Variants in STXBP5L observed in about 807,000 individuals in gnomAD.
STXBP5L encodes syntaxin-binding protein 5-like.
A neutral mutation model predicts 144.5 loss-of-function variants in STXBP5L; 65 were observed. The observed-to-expected ratio is 0.45, with a 90% CI of 0.37 to 0.55. The LOEUF is 0.55. STXBP5L is among the 20% of genes least tolerant of loss of function. The probability of loss-of-function intolerance (pLI) is 0.00; values close to 1 mark genes in which losing one functional copy is unlikely to be tolerated. For missense variants in STXBP5L, 1,298 were observed against 1,405.5 expected, an observed-to-expected ratio of 0.92 and a Z score of 1.22; for synonymous variants, 505 against 469.6, an observed-to-expected ratio of 1.08 and a Z score of -0.97.
chr3:121,421,769 G>A lies in STXBP5L; in HGVS notation c.*2672G>A, dbSNP rs1216898560. ...GACATTATAGCATTTCACTGTAGAA[G>A]TGCTTAAAACCTTGGCCTCAGTGAA... On this transcript the variant is annotated 3_prime_UTR_variant, in exon 27 of 27. Transcript: ENST00000471454. The A allele has an allele frequency of 6.6e-6, 1 of 152,126 alleles. No individual in the cohort carries two copies. The highest frequency in any genetic ancestry group is 6.5e-5 in the Admixed American group (1 of 15,268). The allele number at this position is 152,126 out of a possible 1,614,324, so 9.4% of individuals were successfully genotyped here. A position where few individuals can be genotyped will look rare whatever the true frequency, so the allele number is the denominator to read the frequency against.
intron 5 of STXBP5L, among the ~76,000 whole-genome samples, chr3:121,054,501 A>G (rs945895077): frequency 2.0e-5 from 3 of 149,762 alleles, no homozygotes; most frequent in Non-Finnish European, 4.4e-5. Context: ...AAGAAAGCAA[A>G]CACCGCATGT....
chr3:121,150,737 G>A (rs868210094), intron 7 of STXBP5L, among the ~76,000 whole-genome samples: 23 of 151,914 alleles, frequency 1.5e-4, no homozygotes, highest in African/African-American at 5.3e-4. Context: ...AAACTTTTTA[G>A]GCTAATGAAT....
At chr3:121,278,793 G>A (rs1037564122) in intron 18 of STXBP5L, among the ~76,000 whole-genome samples, 1 of 151,590 alleles carries the variant, frequency 6.6e-6, no homozygotes, top group Non-Finnish European at 1.5e-5. Flanking sequence ...ATAGAGATGA[G>A]AATTAAACCC....
intron 14 of STXBP5L, among the ~76,000 whole-genome samples, chr3:121,246,576 AT>A (rs1239475931): frequency 2.0e-5 from 3 of 152,296 alleles, no homozygotes; most frequent in East Asian, 3.9e-4. Context: ...CATCCTGCAG[AT>A]TTTTCAGCAA....
intron 3 of STXBP5L, among the ~76,000 whole-genome samples, chr3:120,989,539 C>G (rs893407992): frequency 6.6e-6 from 1 of 152,038 alleles, no homozygotes; most frequent in Admixed American, 6.6e-5. Context: ...TGTGACTTAA[C>G]CTGTCGGATG....
intron 7 of STXBP5L, among the ~76,000 whole-genome samples, chr3:121,150,189 AT>A (rs1230903648): frequency 6.6e-6 from 1 of 152,090 alleles, no homozygotes; most frequent in Non-Finnish European, 1.5e-5. Context: ...CCAAATACCT[AT>A]TTTTTTCAGA....
chr3:120,976,943 C>T (rs1433764755), intron 3 of STXBP5L, among the ~76,000 whole-genome samples: 1 of 151,964 alleles, frequency 6.6e-6, no homozygotes, highest in Non-Finnish European at 1.5e-5. Flanking sequence ...TTTACATTTG[C>T]TGAGGAGAGC....
chr3:120,951,599 A>C (rs1181137769), intron 2 of STXBP5L, among the ~76,000 whole-genome samples: 2 of 152,220 alleles, frequency 1.3e-5, no homozygotes, highest in Non-Finnish European at 2.9e-5. Context: ...TCAGAACCAC[A>C]ATGAGATATC....
intron 5 of STXBP5L, among the ~76,000 whole-genome samples, chr3:121,048,388 CCT>C (rs1431967756): frequency 6.6e-6 from 1 of 152,048 alleles, no homozygotes; most frequent in Non-Finnish European, 1.5e-5. Context: ...TGTATTTTGG[CCT>C]CTCTAGTGAG....
chr3:121,287,835 A>G (rs2051286031), intron 19 of STXBP5L, among the ~76,000 whole-genome samples: 1 of 151,966 alleles, frequency 6.6e-6, no homozygotes, highest in Non-Finnish European at 1.5e-5. Flanking sequence ...TCTCAAAAAA[A>G]AAGAAAGACC....
intron 9 of STXBP5L, among the ~76,000 whole-genome samples, chr3:121,159,840 G>T (rs1186897647): frequency 6.6e-6 from 1 of 151,796 alleles, no homozygotes; most frequent in East Asian, 1.9e-4. Flanking sequence ...CACCGTGTTA[G>T]CCAGGATGGT....
intron 7 of STXBP5L, among the ~76,000 whole-genome samples, chr3:121,126,448 G>A (rs1043469089): frequency 3.3e-5 from 5 of 152,112 alleles, no homozygotes; most frequent in Non-Finnish European, 7.4e-5. Context: ...TCTAAAATAA[G>A]CAAACCTGTT....
chr3:121,247,899 A>G (rs1326007789), intron 14 of STXBP5L, among the ~76,000 whole-genome samples: 1 of 152,216 alleles, frequency 6.6e-6, no homozygotes, highest in African/African-American at 2.4e-5. Context: ...ACCGCTTTCT[A>G]CTTTCAGTAG....
At chr3:121,118,385 G>A (rs533177551) in intron 6 of STXBP5L, among the ~76,000 whole-genome samples, 84 of 151,784 alleles carry the variant, frequency 5.5e-4, no homozygotes, top group Middle Eastern at 3.4e-3. Flanking sequence ...CGGGCAGAGG[G>A]AACAGAATAT....
chr3:121,109,778 TTC>T (rs2043892477), intron 5 of STXBP5L, among the ~76,000 whole-genome samples: 1 of 152,152 alleles, frequency 6.6e-6, no homozygotes, highest in African/African-American at 2.4e-5. Context: ...CTTATCAACT[TTC>T]TGTGTCAATG....
intron 19 of STXBP5L, among the ~76,000 whole-genome samples, chr3:121,282,685 A>G (rs978933195): frequency 6.6e-6 from 1 of 152,016 alleles, no homozygotes; most frequent in African/African-American, 2.4e-5. Flanking sequence ...AGTATCAGTA[A>G]TAAGTTAATG....
chr3:121,415,820 A>T, intron 24 of STXBP5L, 37 bp from the exon 25 acceptor site: 1 of 1,419,952 alleles, frequency 7.0e-7, no homozygotes, highest in Non-Finnish European at 9.8e-7. Flanking sequence ...TTGATTTTTT[A>T]GTTGTTCTAA....
chr3:120,958,561 C>A (rs1367119610), intron 3 of STXBP5L, among the ~76,000 whole-genome samples: 1 of 152,168 alleles, frequency 6.6e-6, no homozygotes, highest in Non-Finnish European at 1.5e-5. Flanking sequence ...CCACCATGAT[C>A]AAGTGGGCTT....
rs1393692309 is a variant in STXBP5L, at chr3:121,423,412, A to C, written c.*4315A>C. The C allele has an allele frequency of 6.6e-6, 1 of 152,180 alleles. No individual in the cohort carries two copies. Among genetic ancestry groups the C allele is most frequent in the Non-Finnish European group, 1.5e-5 (1 of 68,028 alleles). 9.4% of individuals were successfully genotyped at this position (152,180 alleles called of 1,614,324 possible). A position where few individuals can be genotyped will look rare whatever the true frequency, so the allele number is the denominator to read the frequency against. ...AGACAACATAGCCCTGAAAGCATGAAATGTAGAATAGGTAAGGTCTGTCTT... is the reference window on the plus strand; with the variant it reads ...AGACAACATAGCCCTGAAAGCATGACATGTAGAATAGGTAAGGTCTGTCTT... On this transcript the variant is annotated 3_prime_UTR_variant, in exon 27 of 27. Transcript: ENST00000471454.
Sources: allele counts gnomAD v4.1 joint callset (sites outside exome capture counted in the v4.1 genomes callset), GRCh38; gene constraint gnomAD v4.1.1; transcripts MANE v1.5; gene names NCBI Gene and HGNC (gene_info 2026-07-23, HGNC 2026-07-21).